Variants in INTU observed in about 807,000 individuals in gnomAD.
INTU encodes inturned planar cell polarity protein, also known as protein inturned.
In INTU, 68 loss-of-function variants were observed where a neutral mutation model predicts 100.5. The ratio of observed to expected loss-of-function variants is 0.68; its 90% CI spans 0.56 to 0.83. INTU has a LOEUF of 0.83. Among genes scored for constraint, INTU ranks in the 40% least tolerant of loss-of-function variants. INTU has a pLI of 0.00. For synonymous variants in INTU, 357 were observed against 395.7 expected (o/e 0.90, Z 1.16); for missense variants, 1,071 against 1,114.7 (o/e 0.96, Z 0.56).
At chr4:127,695,315 G>A (rs1730334165) in intron 8 of INTU, among the ~76,000 whole-genome samples, 2 of 152,110 alleles carry the variant, frequency 1.3e-5, no homozygotes, top group African/African-American at 4.8e-5. Context: ...GAAAGCAATT[G>A]ACTTCTATGC....
At chr4:127,638,578 G>A (rs942694720) in intron 1 of INTU, among the ~76,000 whole-genome samples, 1 of 152,098 alleles carries the variant, frequency 6.6e-6, no homozygotes, top group Non-Finnish European at 1.5e-5. Flanking sequence ...GAATACGTCA[G>A]GAATGAGACA....
chr4:127,698,970 G>A (rs1234424739), intron 8 of INTU, among the ~76,000 whole-genome samples: 1 of 152,152 alleles, frequency 6.6e-6, no homozygotes, highest in Non-Finnish European at 1.5e-5. Context: ...CTCATACTGT[G>A]TGAAAAGCAT....
At chr4:127,679,855 A>G (rs1190232891) in intron 6 of INTU, among the ~76,000 whole-genome samples, 1 of 152,114 alleles carries the variant, frequency 6.6e-6, no homozygotes, top group Non-Finnish European at 1.5e-5. Flanking sequence ...ATAGACCACT[A>G]GCAAGACTAA....
chr4:127,701,568 C>T (rs1443745288), intron 9 of INTU, among the ~76,000 whole-genome samples: 2 of 152,050 alleles, frequency 1.3e-5, no homozygotes, highest in African/African-American at 4.8e-5. Flanking sequence ...CTGTTTTATA[C>T]ATACATTCTG....
chr4:127,685,544 ATTGC>A (rs1396742090), intron 7 of INTU: 1 of 448,342 alleles, frequency 2.2e-6, no homozygotes, highest in African/African-American at 2.0e-5. Context: ...GTCAAACCTG[ATTGC>A]TTACCAACAT....
Position 127,724,089 on chromosome 4 carries a change from A to T in INTU, c.*7653A>T, listed in dbSNP as rs1430403211. ...TAAATCATGTTAAAGACACTGAAAA[A>T]GTTAACTAAAATTCTATGGTGACTT... On this transcript the variant is annotated 3_prime_UTR_variant, in exon 16 of 16. Coordinates refer to ENST00000335251, the MANE Select transcript of INTU (RefSeq NM_015693.4). 1 of 152,098 alleles carries T rather than the reference A, an allele frequency of 6.6e-6. No homozygotes were observed. The highest frequency in any genetic ancestry group is 1.5e-5 in the Non-Finnish European group (1 of 68,016). 9.4% of individuals were successfully genotyped at this position (152,098 alleles called of 1,614,324 possible). A position where few individuals can be genotyped will look rare whatever the true frequency, so the allele number is the denominator to read the frequency against.
At chr4:127,681,569 G>C (rs542113211) in intron 6 of INTU, among the ~76,000 whole-genome samples, 2 of 152,266 alleles carry the variant, frequency 1.3e-5, no homozygotes, top group Admixed American at 6.5e-5. Context: ...GCTGAAACTG[G>C]ATCGCTTCCT....
At chr4:127,689,762 C>CAAGGG (rs938470427) in intron 8 of INTU, among the ~76,000 whole-genome samples, 2 of 151,574 alleles carry the variant, frequency 1.3e-5, no homozygotes, top group East Asian at 1.9e-4. Context: ...AGGGAAGAGG[C>CAAGGG]AAGGGAAGGG....
intron 2 of INTU, among the ~76,000 whole-genome samples, chr4:127,647,124 C>T (rs1471217415): frequency 6.6e-6 from 1 of 152,198 alleles, no homozygotes; most frequent in African/African-American, 2.4e-5. Context: ...TGCTTTTTAG[C>T]ATTCGTGATT....
rs964103820 is a variant in INTU, at chr4:127,720,170, G to A, written c.*3734G>A. 6.6e-6 allele frequency: 1 copy of A among 152,090 alleles called. No homozygotes were observed. Among genetic ancestry groups the A allele is most frequent in the African/African-American group, 2.4e-5 (1 of 41,410 alleles). The allele number at this position is 152,090 out of a possible 1,614,324, so 9.4% of individuals were successfully genotyped here. ...CTTTAGCTATGCCCCAGAGATTCTG[G>A]TACATTGTCTCTTTGTTTTCATTGG... On this transcript the variant is annotated 3_prime_UTR_variant, in exon 16 of 16. Coordinates refer to ENST00000335251, the MANE Select transcript of INTU (RefSeq NM_015693.4).
intron 8 of INTU, among the ~76,000 whole-genome samples, chr4:127,696,687 C>G (rs1426697269): frequency 6.6e-6 from 1 of 151,342 alleles, no homozygotes; most frequent in East Asian, 1.9e-4. Context: ...GTTGATTTCT[C>G]CTCTAATTTT....
At position 127,669,114 on chromosome 4, in the gene INTU, T is replaced by C; in HGVS notation, c.1051T>C (p.Cys351Arg). 6.5e-7 allele frequency: 1 copy of C among 1,545,866 alleles called. No homozygotes were observed. Among genetic ancestry groups the C allele is most frequent in the Non-Finnish European group, 8.8e-7 (1 of 1,137,156 alleles). Residue 351 changes from cysteine to arginine, a missense_variant, in exon 5 of 16, where the codon TGT (cysteine) becomes CGT (arginine). Transcript: ENST00000335251. ...KSVRGIFLTL[C>R]DMLENVTGTQ... ...TGTGAGAGGGATTTTTCTCACACTC[T>C]GTGACATGCTGGAAAACGTAACTGG...
chr4:127,697,572 T>C (rs1730450087), intron 8 of INTU, among the ~76,000 whole-genome samples: 1 of 152,182 alleles, frequency 6.6e-6, no homozygotes, highest in Non-Finnish European at 1.5e-5. Context: ...GTTGTCTTTC[T>C]GTGCCTGGCT....
rs1560626695 is a variant in INTU, at chr4:127,725,737, C to T, written c.*9301C>T. On this transcript the variant is annotated 3_prime_UTR_variant, in exon 16 of 16. Coordinates refer to ENST00000335251, the MANE Select transcript of INTU (RefSeq NM_015693.4). ...TTATTTGCTGTATCGTAGATGTGCA[C>T]TGTAATTTCCATGTTAAAGAGGCAC... 6.6e-6 allele frequency: 1 copy of T among 152,118 alleles called. No homozygotes were observed. The highest frequency in any genetic ancestry group is 1.5e-5 in the Non-Finnish European group (1 of 68,030). The allele number at this position is 152,118 out of a possible 1,614,324, so 9.4% of individuals were successfully genotyped here.
rs562518600 is a variant in INTU, at chr4:127,662,100, T to C, written c.769-1281T>C. Among the ~76,000 whole-genome samples the C allele has an allele frequency of 3.9e-4, 60 of 152,318 alleles. No individual in the cohort carries two copies. In the South Asian group the frequency reaches 8.5e-3, roughly 22 times the overall value. On this transcript the variant is annotated intron_variant, in intron 3 of 15. Coordinates refer to ENST00000335251, the MANE Select transcript of INTU (RefSeq NM_015693.4). ...TGTATATCTTCTTTTGACAAATGTCTGTTCAAGTCATTTGCCCACTTTTTA... is the reference window on the plus strand; with the variant it reads ...TGTATATCTTCTTTTGACAAATGTCCGTTCAAGTCATTTGCCCACTTTTTA...
At chr4:127,658,438 C>A (rs1728332912) in intron 3 of INTU, among the ~76,000 whole-genome samples, 1 of 152,050 alleles carries the variant, frequency 6.6e-6, no homozygotes, top group Non-Finnish European at 1.5e-5. Flanking sequence ...TGGGGAGGTC[C>A]AACAGAGGGT....
chr4:127,682,623 T>A (rs1729629769), intron 6 of INTU, among the ~76,000 whole-genome samples: 1 of 148,146 alleles, frequency 6.8e-6, no homozygotes, highest in Admixed American at 6.7e-5. Flanking sequence ...GAGGGATAGC[T>A]TTAGGAGGTA....
At chr4:127,651,222 A>T (rs887680547) in intron 2 of INTU, among the ~76,000 whole-genome samples, 3 of 151,960 alleles carry the variant, frequency 2.0e-5, no homozygotes, top group Admixed American at 2.0e-4. Flanking sequence ...CTTTAGTTTA[A>T]TTAGATCCCA....
chr4:127,655,303 G>T (rs1002416826), intron 2 of INTU, among the ~76,000 whole-genome samples: 1 of 152,006 alleles, frequency 6.6e-6, no homozygotes, highest in African/African-American at 2.4e-5. Flanking sequence ...GGTGCTCTGC[G>T]TTTTAGAGTT....
Sources: allele counts gnomAD v4.1 joint callset (sites outside exome capture counted in the v4.1 genomes callset), GRCh38; gene constraint gnomAD v4.1.1; transcripts MANE v1.5; gene names NCBI Gene and HGNC (gene_info 2026-07-23, HGNC 2026-07-21).